The following DELE1 variants were observed in gnomAD, a reference collection of about 807,000 sequenced individuals.
DELE1 encodes the protein DAP3 binding cell death enhancer 1.
Under a neutral mutation model 59.3 loss-of-function variants are expected in DELE1, and 54 were observed. That is an observed-to-expected ratio of 0.91 (90% confidence interval 0.73 to 1.14). DELE1 has a LOEUF of 1.14. Ranked by LOEUF, DELE1 falls within the 50% of genes most tolerant of loss-of-function variation. The pLI is 0.00. For missense variants in DELE1, 636 were observed against 643.9 expected, an observed-to-expected ratio of 0.99 and a Z score of 0.13; for synonymous variants, 264 against 259.1, an observed-to-expected ratio of 1.02 and a Z score of -0.18.
At position 141,937,299 on chromosome 5, in the gene DELE1, T is replaced by C; in HGVS notation, c.1251T>C (p.Ala417=). The C allele has an allele frequency of 6.2e-7, 1 of 1,614,190 alleles. No individual in the cohort carries two copies. Among genetic ancestry groups the C allele is most frequent in the Non-Finnish European group, 8.5e-7 (1 of 1,180,042 alleles). Reference sequence around the variant, plus strand: ...TGAGATGTTACCAGCAGTCAGCCGCTCTGGGAAATGAGGCCGCCCAGGAGA... The same window carrying C: ...TGAGATGTTACCAGCAGTCAGCCGCCCTGGGAAATGAGGCCGCCCAGGAGA... The part of the protein sequence containing the change: ...EALRCYQQSA[A]LGNEAAQERL... Residue 417 remains alanine (A), a synonymous_variant, in exon 11 of 12, where the codon GCT becomes GCC. Coordinates refer to ENST00000432126, the MANE Select transcript of DELE1 (RefSeq NM_014773.5).
At chr5:141,927,511 G>C (rs1751518256) in intron 3 of DELE1, among the ~76,000 whole-genome samples, 1 of 152,186 alleles carries the variant, frequency 6.6e-6, no homozygotes, top group Admixed American at 6.5e-5. Flanking sequence ...ACCTTCTTAA[G>C]CATAACATAA....
At position 141,933,378 on chromosome 5, in the gene DELE1, G is replaced by T; in HGVS notation, c.874G>T (p.Gly292Cys). Residue 292 changes from glycine to cysteine, a missense_variant, in exon 8 of 12, where the codon GGC (glycine) becomes TGC (cysteine). By Grantham distance (159) the Gly-to-Cys change is radical. Transcript: ENST00000432126. ...GGGCTTGTGTCATGAGCATGGCAGAGGCACCCCCAGGGACATTAGCAAGGT... is the reference window on the plus strand; with the variant it reads ...GGGCTTGTGTCATGAGCATGGCAGATGCACCCCCAGGGACATTAGCAAGGT... ...NAGLCHEHGR[G>C]TPRDISKAVL... The T allele has an allele frequency of 6.6e-7, 1 of 1,516,428 alleles. No homozygotes were observed. The highest frequency in any genetic ancestry group is 9.0e-7 in the Non-Finnish European group (1 of 1,113,462). The allele number at this position is 1,516,428 out of a possible 1,614,324, so 93.9% of individuals were successfully genotyped here. A position where few individuals can be genotyped will look rare whatever the true frequency, so the allele number is the denominator to read the frequency against.
intron 7 of DELE1, 123 bp downstream of exon 7, chr5:141,930,397 T>C: frequency 1.4e-6 from 1 of 694,486 alleles, no homozygotes; most frequent in Non-Finnish European, 2.4e-6. Context: ...CCCAGGTAGG[T>C]AGACCAAATC....
Position 141,923,976 on chromosome 5 carries a change from A to G in DELE1, c.31+4A>G, listed in dbSNP as rs1333919778. On this transcript the variant is annotated splice_donor_region_variant and intron_variant, in intron 1 of 11. Transcript: ENST00000432126. Reference sequence around the variant, plus strand: ...CTCCCGGGACTCCTGGGCCGAGGTAAGGGACGTCCAAGCAACCAGCGTCAC... The same window carrying G: ...CTCCCGGGACTCCTGGGCCGAGGTAGGGGACGTCCAAGCAACCAGCGTCAC... The G allele has an allele frequency of 3.1e-6, 5 of 1,609,498 alleles. No homozygotes were observed. The Admixed American group carries it at 8.4e-5, about 27-fold the overall frequency.
At position 141,929,546 on chromosome 5, in the gene DELE1, G is replaced by A. The variant is rs755677418; in HGVS notation, c.413-36G>A. ...ATTATAGGTGTGAGCCATCGCGCCT[G>A]GCCCAGACCTGACTACTCTTGCTGG... On this transcript the variant is annotated intron_variant, in intron 4 of 11. Transcript: ENST00000432126. 3 of 1,604,982 alleles carry A rather than the reference G, an allele frequency of 1.9e-6. No individual in the cohort carries two copies. The Admixed American group carries it at 5.0e-5, about 27-fold the overall frequency.
intron 1 of DELE1, 94 bp from the exon 2 acceptor site, chr5:141,924,487 C>A (rs1443362593): frequency 1.3e-6 from 1 of 752,626 alleles, no homozygotes; most frequent in African/African-American, 1.7e-5. Flanking sequence ...AAAAGATTCC[C>A]ATGTGTATCC....
In DELE1 at chr5:141,939,127, T is replaced by C; in HGVS notation, c.*368T>C. ...GGTTTTCTCACACTTAAATCTGTACTACTGTTTGCCAATGTCTGATGTGTG... is the reference window on the plus strand; with the variant it reads ...GGTTTTCTCACACTTAAATCTGTACCACTGTTTGCCAATGTCTGATGTGTG... On this transcript the variant is annotated 3_prime_UTR_variant, in exon 12 of 12. Coordinates refer to ENST00000432126, the MANE Select transcript of DELE1 (RefSeq NM_014773.5). The C allele has an allele frequency of 9.9e-7, 1 of 1,012,366 alleles. No homozygotes were observed. Among genetic ancestry groups the C allele is most frequent in the Non-Finnish European group, 1.2e-6 (1 of 846,402 alleles). The allele number at this position is 1,012,366 out of a possible 1,614,324, so 62.7% of individuals were successfully genotyped here.
chr5:141,931,720 C>T (rs1268236329), intron 7 of DELE1, among the ~76,000 whole-genome samples: 1 of 152,160 alleles, frequency 6.6e-6, no homozygotes. Context: ...GCAGAGGGCT[C>T]TGTCAACCCT....
chr5:141,934,764 C>T, intron 10 of DELE1, 178 bp downstream of exon 10: 1 of 620,752 alleles, frequency 1.6e-6, no homozygotes, highest in Non-Finnish European at 2.8e-6. Flanking sequence ...CAGTAGTACG[C>T]CAGAGCTGGC....
At chr5:141,927,478 C>T (rs1751515294) in intron 3 of DELE1, among the ~76,000 whole-genome samples, 1 of 152,220 alleles carries the variant, frequency 6.6e-6, no homozygotes, top group East Asian at 1.9e-4. Flanking sequence ...CAGGCATGAG[C>T]CACTGCACCC....
chr5:141,934,719 G>A (rs1046522795), intron 10 of DELE1, 133 bp downstream of exon 10: 8 of 838,126 alleles, frequency 9.5e-6, no homozygotes, highest in Middle Eastern at 2.4e-4. Flanking sequence ...AAGCCTTAGC[G>A]CTCACTGACT....
chr5:141,924,751 T>G, intron 2 of DELE1, 56 bp downstream of exon 2: 1 of 578,898 alleles, frequency 1.7e-6, no homozygotes, highest in Non-Finnish European at 2.8e-6. Flanking sequence ...TTTTTTTTTA[T>G]TTTTTTTTTT....
intron 10 of DELE1, 74 bp downstream of exon 10, chr5:141,934,660 G>A (rs1752220873): frequency 3.6e-6 from 5 of 1,373,516 alleles, no homozygotes; most frequent in Non-Finnish European, 5.2e-6. Flanking sequence ...CTGGTACTGA[G>A]TTCTTCTGTG....
At position 141,939,296 on chromosome 5, in the gene DELE1, T is replaced by TA. The variant is rs112748511; in HGVS notation, c.*546dup. 1.3e-3 allele frequency: 858 copies of TA among 655,932 alleles called. 1 individual carries two copies. The highest frequency in any genetic ancestry group is 0.012 in the South Asian group (182 of 14,574). 40.6% of individuals were successfully genotyped at this position (655,932 alleles called of 1,614,324 possible). ...GTTCTGTCTAGGATAAAGCTAACTG[T>TA]AAAAAAAAATAGTGAATCAGTTTAA... On this transcript the variant is annotated 3_prime_UTR_variant, in exon 12 of 12. Transcript: ENST00000432126.
Position 141,925,477 on chromosome 5 carries a change from T to C in DELE1, c.214T>C (p.Trp72Arg). The change falls in exon 3 of 12, where the codon TGG becomes CGG. Residue 72 changes from tryptophan (W) to arginine (R), a missense_variant. Coordinates refer to ENST00000432126, the MANE Select transcript of DELE1 (RefSeq NM_014773.5). Reference protein sequence around the residue: ...RSHGWKDAFQWMSSRVSPNTL... With the variant: ...RSHGWKDAFQRMSSRVSPNTL... ...CCATGGATGGAAGGATGCCTTCCAATGGATGTCTTCCCGTGTCTCCCCGAA... is the reference window on the plus strand; with the variant it reads ...CCATGGATGGAAGGATGCCTTCCAACGGATGTCTTCCCGTGTCTCCCCGAA... The C allele has an allele frequency of 3.7e-6, 6 of 1,605,248 alleles. No individual in the cohort carries two copies. The highest frequency in any genetic ancestry group is 5.1e-6 in the Non-Finnish European group (6 of 1,176,046).
rs944349177 is a variant in DELE1, at chr5:141,937,411, G to A, written c.1309+54G>A. On this transcript the variant is annotated intron_variant, in intron 11 of 11. Coordinates refer to ENST00000432126, the MANE Select transcript of DELE1 (RefSeq NM_014773.5). ...TCATTCCCTGAGCTCAGTACTCTGTGACAGATAAGTAGGTAGCAGTAGTCT... is the reference window on the plus strand; with the variant it reads ...TCATTCCCTGAGCTCAGTACTCTGTAACAGATAAGTAGGTAGCAGTAGTCT... The A allele has an allele frequency of 5.0e-6, 8 of 1,588,070 alleles. No homozygotes were observed. The African/African-American group carries it at 1.1e-4, about 21-fold the overall frequency.
chr5:141,938,618 A>C lies in DELE1; in HGVS notation c.1407A>C (p.Leu469=), dbSNP rs1209953097. The change falls in exon 12 of 12, where the codon CTA becomes CTC. Residue 469 remains leucine (L), a synonymous_variant. Coordinates refer to ENST00000432126, the MANE Select transcript of DELE1 (RefSeq NM_014773.5). The part of the protein sequence containing the change: ...LNTLLAGTSR[L]PHASSTGNLG... ...CCCTGCTAGCAGGAACCTCACGCCTACCACATGCCTCGAGCACAGGCAACC... is the reference window on the plus strand; with the variant it reads ...CCCTGCTAGCAGGAACCTCACGCCTCCCACATGCCTCGAGCACAGGCAACC... The C allele has an allele frequency of 6.2e-7, 1 of 1,613,988 alleles. No individual in the cohort carries two copies.
chr5:141,926,090 G>A (rs1751395205), intron 3 of DELE1, among the ~76,000 whole-genome samples: 1 of 152,076 alleles, frequency 6.6e-6, no homozygotes, highest in African/African-American at 2.4e-5. Flanking sequence ...ATTTTGGCCA[G>A]GATGGTCTCG....
intron 3 of DELE1, 73 bp downstream of exon 3, chr5:141,925,600 C>A: frequency 1.1e-6 from 1 of 872,696 alleles, no homozygotes; most frequent in Non-Finnish European, 1.7e-6. Context: ...TACAGCCGAA[C>A]CTGGAACAAG....
Sources: allele counts gnomAD v4.1 joint callset (sites outside exome capture counted in the v4.1 genomes callset), GRCh38; gene constraint gnomAD v4.1.1; transcripts MANE v1.5; gene names NCBI Gene and HGNC (gene_info 2026-07-23, HGNC 2026-07-21).